The following ADAP1 variants were observed in gnomAD, a reference collection of about 807,000 sequenced individuals.
ADAP1 encodes arf-GAP with dual PH domain-containing protein 1.
ADAP1 carries 31 observed loss-of-function variants against 54.9 expected under a neutral mutation model. The ratio of observed to expected loss-of-function variants is 0.56; its 90% confidence interval spans 0.42 to 0.76. The LOEUF (loss-of-function observed/expected upper bound fraction) is 0.76. ADAP1 is among the 30% of genes least tolerant of loss of function. The pLI, the probability that ADAP1 is intolerant of heterozygous loss-of-function variation, is 0.00. For synonymous variants in ADAP1, 313 were observed against 202.6 expected, an observed-to-expected ratio of 1.55 and a Z score of -4.63; for missense variants, 535 against 512.4, an observed-to-expected ratio of 1.04 and a Z score of -0.42.
intron 4 of ADAP1, chr7:905,383 GGAGAAAGGAGAAAGGAGAAA>G (rs1445017309): frequency 1.1e-5 from 3 of 262,826 alleles, no homozygotes; most frequent in Admixed American, 5.9e-5. Flanking sequence ...AAAGGAGAAA[GGAGAAAGGAGAAAGGAGAAA>G]GGAGAAAGGG....
chr7:942,317 G>C (rs1846961207), intron 1 of ADAP1, among the ~76,000 whole-genome samples: 1 of 140,740 alleles, frequency 7.1e-6, no homozygotes, highest in South Asian at 2.2e-4. Flanking sequence ...AGGAAGAGAG[G>C]AGGAGGAAGG....
At chr7:922,150 C>T (rs1253727852) in intron 3 of ADAP1, among the ~76,000 whole-genome samples, 1 of 152,218 alleles carries the variant, frequency 6.6e-6, no homozygotes. Flanking sequence ...AGGGGCCGCA[C>T]TGACACCCCA....
rs942744753 is a variant in ADAP1, at chr7:935,271, G to A, written c.213+104C>T. 41 of 1,453,226 alleles carry A rather than the reference G, an allele frequency of 2.8e-5. No individual in the cohort carries two copies. The South Asian group carries it at 4.8e-4, about 17-fold the overall frequency. 90.0% of individuals were successfully genotyped at this position (1,453,226 alleles called of 1,614,324 possible). On this transcript the variant is annotated intron_variant, in intron 2 of 10. Transcript: ENST00000265846. Reference sequence around the variant, plus strand: ...AGCCAGGCCCCCAGAGTAGCCCAAGGCTCCAGGGGCCACAGCCAGGCCGCC... The same window carrying A: ...AGCCAGGCCCCCAGAGTAGCCCAAGACTCCAGGGGCCACAGCCAGGCCGCC...
At chr7:942,928 G>A (rs1157311070) in intron 1 of ADAP1, among the ~76,000 whole-genome samples, 1 of 10,286 alleles carries the variant, frequency 9.7e-5, no homozygotes. Context: ...GAGGAGGAAG[G>A]GAGTGAGGAG....
intron 2 of ADAP1, among the ~76,000 whole-genome samples, chr7:934,458 AC>A (rs1846684507): frequency 6.6e-6 from 1 of 151,370 alleles, no homozygotes; most frequent in Admixed American, 6.6e-5. Flanking sequence ...AGCCTCTACG[AC>A]CCTCCCCATC....
chr7:910,998 C>A (rs1446763626), intron 4 of ADAP1, among the ~76,000 whole-genome samples: 2 of 152,184 alleles, frequency 1.3e-5, no homozygotes, highest in Non-Finnish European at 2.9e-5. Flanking sequence ...CCGCACAGGG[C>A]TCCGTCTCTC....
chr7:898,560 C>A lies in ADAP1; in HGVS notation c.*361G>T, dbSNP rs554196101. On this transcript the variant is annotated 3_prime_UTR_variant, in exon 11 of 11. Coordinates refer to ENST00000265846, the MANE Select transcript of ADAP1 (RefSeq NM_006869.4). ...CGTGCTGGCCCCAAGCAGGGCTCTG[C>A]GCTGAGGCCTGGAAGTTCCCACAGC... 8 of 379,490 alleles carry A rather than the reference C, an allele frequency of 2.1e-5. No individual in the cohort carries two copies. Among genetic ancestry groups the A allele is most frequent in the Admixed American group, 7.4e-5 (2 of 26,962 alleles). 23.5% of individuals were successfully genotyped at this position (379,490 alleles called of 1,614,324 possible). A position where few individuals can be genotyped will look rare whatever the true frequency, so the allele number is the denominator to read the frequency against.
At chr7:905,929 A>G (rs1161895646) in intron 4 of ADAP1, among the ~76,000 whole-genome samples, 438 of 574 alleles carry the variant, frequency 0.76, 206 homozygotes, top group South Asian at 0.85. Context: ...AAAGGGAGAA[A>G]GGAGAAAGGG....
intron 4 of ADAP1, among the ~76,000 whole-genome samples, chr7:914,577 G>A (rs180977352): frequency 1.3e-5 from 2 of 152,274 alleles, no homozygotes; most frequent in East Asian, 1.9e-4. Flanking sequence ...GCCATGGGGA[G>A]GCTCGGGGGG....
Position 898,611 on chromosome 7 carries a change from T to C in ADAP1, c.*310A>G. 7 of 461,218 alleles carry C rather than the reference T, an allele frequency of 1.5e-5. No individual in the cohort carries two copies. The highest frequency in any genetic ancestry group is 1.1e-4 in the South Asian group (5 of 46,808). 28.6% of individuals were successfully genotyped at this position (461,218 alleles called of 1,614,324 possible). A position where few individuals can be genotyped will look rare whatever the true frequency, so the allele number is the denominator to read the frequency against. On this transcript the variant is annotated 3_prime_UTR_variant, in exon 11 of 11. Coordinates refer to ENST00000265846, the MANE Select transcript of ADAP1 (RefSeq NM_006869.4). ...CGTGGTGGGCGGCTCCTGGGGGCTG[T>C]GTCTGAGCTCGGGAGCCAGACTGGG...
At chr7:900,945 C>CTGG (rs1436180607) in intron 6 of ADAP1, 2 of 553,908 alleles carry the variant, frequency 3.6e-6, no homozygotes, top group African/African-American at 3.8e-5. Context: ...CTCTGTGGCC[C>CTGG]TGGTGCTGCT....
At position 905,557 on chromosome 7, in the gene ADAP1, A is replaced by AGAAGGGAGAAG. The variant is rs1554271861; in HGVS notation, c.389-386_389-385insCTTCTCCCTTC. 70 of 23,248 alleles carry AGAAGGGAGAAG rather than the reference A, an allele frequency of 3.0e-3. 3 individuals are homozygous for AGAAGGGAGAAG. The highest frequency in any genetic ancestry group is 0.011 in the South Asian group (5 of 470). The allele number at this position is 23,248 out of a possible 1,614,324, so 1.4% of individuals were successfully genotyped here. ...AGAAGGGAGAAGGGAGAAGGGAGAA[A>AGAAGGGAGAAG]GGAGAAAGGAGAAAGGAGAAAGGAG... is the stretch of plus-strand genomic sequence containing the variant. On this transcript the variant is annotated intron_variant, in intron 4 of 10. Coordinates refer to ENST00000265846, the MANE Select transcript of ADAP1 (RefSeq NM_006869.4).
In ADAP1 at chr7:900,147, G is replaced by A. The variant is rs1369991725; in HGVS notation, c.750C>T (p.Ser250=). The A allele has an allele frequency of 1.4e-5, 22 of 1,613,118 alleles. No homozygotes were observed. Among genetic ancestry groups the A allele is most frequent in the African/African-American group, 2.7e-5 (2 of 74,934 alleles). The change falls in exon 8 of 11, where the codon TCC becomes TCT. Residue 250 remains serine, a synonymous_variant. Transcript: ENST00000265846. ...AGDADLVPKL[S]RNYLKEGYME... The stretch of plus-strand genomic sequence containing the variant: ...TGTAGCCTTCCTTCAGGTAGTTCCT[G>A]GAGAGCTTTGGCACCAGCTAGGGCA...
chr7:939,879 G>C (rs969212560), intron 1 of ADAP1, among the ~76,000 whole-genome samples: 1 of 151,960 alleles, frequency 6.6e-6, no homozygotes, highest in African/African-American at 2.4e-5. Flanking sequence ...GGAAAAATGG[G>C]GGTGGCACAG....
rs187324002 is a variant in ADAP1 at position 949,176 on chromosome 7, G to A, written c.82+5220C>T. On this transcript the variant is annotated intron_variant, in intron 1 of 10. Transcript: ENST00000265846. ...GGCACTCAGTACATGTGTACGGAGCGGGGGAAGGCGCCTTGCCCGCCGGAG... is the reference window on the plus strand; with the variant it reads ...GGCACTCAGTACATGTGTACGGAGCAGGGGAAGGCGCCTTGCCCGCCGGAG... Among the ~76,000 whole-genome samples, 110 of 152,330 alleles carry A rather than the reference G, an allele frequency of 7.2e-4. 1 individual carries two copies. Among genetic ancestry groups the A allele is most frequent in the Admixed American group, 6.1e-3 (93 of 15,298 alleles).
In ADAP1 at chr7:935,671, T is replaced by TCCCC. The variant is rs3215362; in HGVS notation, c.83-170_83-167dup. Among the ~76,000 whole-genome samples the TCCCC allele has an allele frequency of 2.8e-3, 416 of 146,374 alleles. 4 individuals carry two copies. The highest frequency in any genetic ancestry group is 0.026 in the East Asian group (117 of 4,546). ...CGCCCCACAGGCACCTAACCCCAGC[T>TCCCC]CCCCCCCCGCCCTCTGCCCGGTGCA... is the stretch of plus-strand genomic sequence containing the variant. On this transcript the variant is annotated intron_variant, in intron 1 of 10. Coordinates refer to ENST00000265846, the MANE Select transcript of ADAP1 (RefSeq NM_006869.4).
At chr7:912,638 G>A (rs941138613) in intron 4 of ADAP1, among the ~76,000 whole-genome samples, 1 of 152,236 alleles carries the variant, frequency 6.6e-6, no homozygotes. Context: ...GCCACAGAGG[G>A]GCTTCCCTGC....
chr7:909,339 G>A (rs1431042819), intron 4 of ADAP1, among the ~76,000 whole-genome samples: 1 of 75,774 alleles, frequency 1.3e-5, no homozygotes, highest in African/African-American at 8.5e-5. Context: ...CCTCCCGACA[G>A]CAGGCGCCAG....
intron 1 of ADAP1, among the ~76,000 whole-genome samples, chr7:940,154 A>T (rs1398786666): frequency 6.6e-6 from 1 of 152,054 alleles, no homozygotes; most frequent in Non-Finnish European, 1.5e-5. Context: ...CCTACTGGGG[A>T]GGGCTCAGGG....
Sources: gnomAD v4.1 joint callset for allele counts (sites outside exome capture counted in the v4.1 genomes callset) on GRCh38, gnomAD v4.1.1 for gene constraint, MANE v1.5 for transcripts, NCBI Gene and HGNC (gene_info 2026-07-23, HGNC 2026-07-21) for gene names.